Variants in PLEKHM2 observed in about 807,000 individuals in gnomAD.
PLEKHM2 encodes the protein pleckstrin homology domain-containing family M member 2.
A neutral mutation model predicts 116.3 loss-of-function variants in PLEKHM2; 77 were observed. The ratio of observed to expected loss-of-function variants is 0.66; its 90% CI spans 0.55 to 0.80. The LOEUF is 0.80. Among genes scored for constraint, PLEKHM2 ranks in the 30% least tolerant of loss-of-function variants. The pLI, the probability that PLEKHM2 is intolerant of heterozygous loss-of-function variation, is 0.00. For synonymous variants in PLEKHM2, 562 were observed against 571.0 expected (o/e 0.98, Z 0.22); for missense variants, 1,183 against 1,354.9 (o/e 0.87, Z 1.99).
intron 7 of PLEKHM2, among the ~76,000 whole-genome samples, chr1:15,722,557 G>A (rs1239540483): frequency 2.0e-5 from 3 of 152,174 alleles, no homozygotes; most frequent in Admixed American, 1.3e-4. Flanking sequence ...CACACCCTGA[G>A]GATGAGGGGC....
At chr1:15,731,127 C>T in intron 15 of PLEKHM2, 65 bp from the exon 16 acceptor site, 1 of 1,223,894 alleles carries the variant, frequency 8.2e-7, no homozygotes, top group Non-Finnish European at 1.2e-6. Flanking sequence ...AACCCTGGGA[C>T]CTGGGCTCCG....
intron 1 of PLEKHM2, among the ~76,000 whole-genome samples, chr1:15,694,219 G>T (rs1279274194): frequency 1.3e-5 from 2 of 152,048 alleles, no homozygotes; most frequent in African/African-American, 4.8e-5. Context: ...GGGCATGGTG[G>T]CACATGCATG....
In PLEKHM2 at chr1:15,725,516, G is replaced by A. The variant is rs374305593; in HGVS notation, c.912G>A (p.Pro304=). 103 of 1,573,618 alleles carry A rather than the reference G, an allele frequency of 6.5e-5. No homozygotes were observed. The highest frequency in any genetic ancestry group is 4.1e-4 in the South Asian group (35 of 85,404). The stretch of plus-strand genomic sequence containing the variant: ...AGGAGGCCCAGGCCCTGGACCCGCC[G>A]GATGCCTGCACGGAGCTCGAGGTCA... ...EKEEAQALDP[P]DACTELEVIR... The change falls in exon 8 of 20, where the codon CCG becomes CCA. Residue 304 remains proline, a synonymous_variant. Transcript: ENST00000375799.
intron 1 of PLEKHM2, among the ~76,000 whole-genome samples, chr1:15,707,697 A>G (rs1379035166): frequency 6.6e-6 from 1 of 152,184 alleles, no homozygotes; most frequent in East Asian, 1.9e-4. Flanking sequence ...GAGCAGCTGC[A>G]GCTTTTTTTA....
At chr1:15,706,836 A>G (rs1370021902) in intron 1 of PLEKHM2, among the ~76,000 whole-genome samples, 1 of 152,168 alleles carries the variant, frequency 6.6e-6, no homozygotes, top group African/African-American at 2.4e-5. Context: ...TATCTCTGCC[A>G]CCGTGTCTGA....
At chr1:15,732,780 CCACT>C in intron 19 of PLEKHM2, 52 bp downstream of exon 19, 1 of 1,255,184 alleles carries the variant, frequency 8.0e-7, no homozygotes, top group Non-Finnish European at 1.1e-6. Context: ...GGAGTGGGAG[CCACT>C]CCCCGGGGAG....
At chr1:15,687,041 G>GC (rs1364313525) in intron 1 of PLEKHM2, among the ~76,000 whole-genome samples, 5 of 152,150 alleles carry the variant, frequency 3.3e-5, no homozygotes, top group African/African-American at 4.8e-5. Flanking sequence ...GCCTGCCTTG[G>GC]CCCCCCGAAG....
intron 1 of PLEKHM2, among the ~76,000 whole-genome samples, chr1:15,703,922 C>G (rs1641169271): frequency 6.6e-6 from 1 of 152,156 alleles, no homozygotes; most frequent in African/African-American, 2.4e-5. Flanking sequence ...AAATCAGCAG[C>G]AGGGACAGGA....
intron 1 of PLEKHM2, among the ~76,000 whole-genome samples, chr1:15,689,311 T>C (rs1640841580): frequency 6.6e-6 from 1 of 151,480 alleles, no homozygotes; most frequent in Non-Finnish European, 1.5e-5. Flanking sequence ...AAGCAGGCAT[T>C]CAAGACAGAA....
At chr1:15,715,193 C>T (rs1641420445) in intron 1 of PLEKHM2, among the ~76,000 whole-genome samples, 1 of 152,160 alleles carries the variant, frequency 6.6e-6, no homozygotes. Context: ...GGGGCAGGTG[C>T]CCCAGTCCAT....
intron 7 of PLEKHM2, among the ~76,000 whole-genome samples, chr1:15,722,265 T>C (rs1264993449): frequency 6.6e-6 from 1 of 152,238 alleles, no homozygotes; most frequent in Non-Finnish European, 1.5e-5. Context: ...TGCCTCAGCC[T>C]CCCAAGTAGC....
intron 19 of PLEKHM2, 51 bp downstream of exon 19, chr1:15,732,779 G>A: frequency 8.1e-7 from 1 of 1,239,354 alleles, no homozygotes; most frequent in South Asian, 1.3e-5. Flanking sequence ...TGGAGTGGGA[G>A]CCACTCCCCG....
chr1:15,697,401 A>C (rs982414138), intron 1 of PLEKHM2, among the ~76,000 whole-genome samples: 2 of 152,246 alleles, frequency 1.3e-5, no homozygotes, highest in Non-Finnish European at 2.9e-5. Flanking sequence ...CTCCGTAAGA[A>C]GTCAATCCCT....
chr1:15,731,488 G>A (rs1452930778), intron 16 of PLEKHM2, among the ~76,000 whole-genome samples: 1 of 152,184 alleles, frequency 6.6e-6, no homozygotes, highest in Non-Finnish European at 1.5e-5. Context: ...GTCTGATGGG[G>A]GAGGCAGGCC....
intron 1 of PLEKHM2, among the ~76,000 whole-genome samples, chr1:15,695,429 G>A (rs1351373259): frequency 1.3e-5 from 2 of 152,112 alleles, no homozygotes; most frequent in East Asian, 3.8e-4. Flanking sequence ...TAGTTTATTC[G>A]GCACCTGTTA....
At chr1:15,696,109 C>A (rs1481445588) in intron 1 of PLEKHM2, among the ~76,000 whole-genome samples, 1 of 151,712 alleles carries the variant, frequency 6.6e-6, no homozygotes, top group Admixed American at 6.6e-5. Flanking sequence ...CCACCACACC[C>A]ACCCGATGCC....
Position 15,716,692 on chromosome 1 carries a change from G to A in PLEKHM2, c.168-15G>A, listed in dbSNP as rs1230007559. ...CCCCATGCAGGTCACAGCAGCTCCT[G>A]TCCTGTTTTCTCAGACTGCAAGACC... On this transcript the variant is annotated splice_polypyrimidine_tract_variant and intron_variant, in intron 2 of 19. Coordinates refer to ENST00000375799, the MANE Select transcript of PLEKHM2 (RefSeq NM_015164.4). 1.9e-6 allele frequency: 3 copies of A among 1,556,642 alleles called. No homozygotes were observed. The highest frequency in any genetic ancestry group is 3.9e-5 in the Admixed American group (2 of 51,454).
chr1:15,699,808 A>G (rs1412601632), intron 1 of PLEKHM2, among the ~76,000 whole-genome samples: 1 of 151,982 alleles, frequency 6.6e-6, no homozygotes, highest in Non-Finnish European at 1.5e-5. Flanking sequence ...ATTATATTAC[A>G]TAAATATATT....
At position 15,719,501 on chromosome 1, in the gene PLEKHM2, AG is replaced by A. The variant is rs2067959524; in HGVS notation, c.466-230del. Among the ~76,000 whole-genome samples the A allele has an allele frequency of 6.6e-6, 1 of 152,144 alleles. No homozygotes were observed. The highest frequency in any genetic ancestry group is 6.5e-5 in the Admixed American group (1 of 15,272). On this transcript the variant is annotated intron_variant, in intron 5 of 19. Coordinates refer to ENST00000375799, the MANE Select transcript of PLEKHM2 (RefSeq NM_015164.4). The surrounding 1 kb of genome is among the most constrained non-coding windows in gnomAD (Gnocchi z 4.1). Reference sequence around the variant, plus strand: ...GAGAGAGAGATAGCGGGGGCATCAAAGGGTGTAGCTGAGTTCTGACAGCTCT... The same window carrying A: ...GAGAGAGAGATAGCGGGGGCATCAAAGGTGTAGCTGAGTTCTGACAGCTCT...
Sources: allele counts gnomAD v4.1 joint callset (sites outside exome capture counted in the v4.1 genomes callset), GRCh38; gene constraint gnomAD v4.1.1; non-coding constraint Gnocchi (gnomAD v3.1); transcripts MANE v1.5; gene names NCBI Gene and HGNC (gene_info 2026-07-23, HGNC 2026-07-21).